The following DDR2 variants were observed in gnomAD, a reference collection of about 807,000 sequenced individuals.
The protein encoded by DDR2 is discoidin domain-containing receptor 2.
DDR2 carries 27 observed loss-of-function variants against 94.9 expected under a neutral mutation model. The ratio of observed to expected loss-of-function variants is 0.28; its 90% CI spans 0.21 to 0.39. The LOEUF (loss-of-function observed/expected upper bound fraction) is 0.39, where lower values mean the gene tolerates loss of function less well. Ranked by LOEUF, DDR2 falls within the 10% of genes least tolerant of loss-of-function variation. The pLI is 1.00. For synonymous variants in DDR2, 382 were observed against 377.2 expected (o/e 1.01, Z -0.15); for missense variants, 783 against 1,076.0 (o/e 0.73, Z 3.81).
At chr1:162,702,580 A>G (rs891196487) in intron 2 of DDR2, among the ~76,000 whole-genome samples, 2 of 152,218 alleles carry the variant, frequency 1.3e-5, no homozygotes, top group Non-Finnish European at 2.9e-5. Flanking sequence ...TTGGTGTTAC[A>G]TGCAGTTTAA....
In DDR2 at chr1:162,776,262, G is replaced by T. The variant is rs2102199226; in HGVS notation, c.2175G>T (p.Lys725Asn). ...NCLVGKNYTI[K>N]IADFGMSRNL... Reference sequence around the variant, plus strand: ...TAGTGGGTAAGAACTACACAATCAAGATAGCTGACTTTGGAATGAGCAGGA... The same window carrying T: ...TAGTGGGTAAGAACTACACAATCAATATAGCTGACTTTGGAATGAGCAGGA... Residue 725 changes from lysine (K) to asparagine (N), a missense_variant, in exon 16 of 18, where the codon AAG (lysine) becomes AAT (asparagine). Around this residue, in one of 2 missense-constraint regions of DDR2, gnomAD observed 264 missense variants for 428.2 expected, o/e 0.62. Transcript: ENST00000367921. 6.2e-7 allele frequency: 1 copy of T among 1,613,966 alleles called. No individual in the cohort carries two copies. Among genetic ancestry groups the T allele is most frequent in the Non-Finnish European group, 8.5e-7 (1 of 1,179,940 alleles).
intron 2 of DDR2, among the ~76,000 whole-genome samples, chr1:162,671,846 C>T (rs1393141534): frequency 1.3e-5 from 2 of 152,150 alleles, no homozygotes; most frequent in Non-Finnish European, 1.5e-5. Context: ...TCATTTAGGT[C>T]AAAAACATAG....
rs766617791 is a variant in DDR2, at chr1:162,775,849, C to T, written c.2048+6C>T. 1 of 1,613,910 alleles carries T rather than the reference C, an allele frequency of 6.2e-7. No homozygotes were observed. Among genetic ancestry groups the T allele is most frequent in the African/African-American group, 1.3e-5 (1 of 75,048 alleles). ...AGCGATGTACGCACTGTCAGGTAAA[C>T]AAGCCAGGTCTTCCTTCTCCTCCCT... On this transcript the variant is annotated splice_donor_region_variant and intron_variant, in intron 15 of 17. Coordinates refer to ENST00000367921, the MANE Select transcript of DDR2 (RefSeq NM_006182.4).
intron 2 of DDR2, among the ~76,000 whole-genome samples, chr1:162,668,506 A>G (rs1247300624): frequency 4.6e-5 from 7 of 152,196 alleles, no homozygotes. Flanking sequence ...GCAGGGCCAT[A>G]TTCCCTCTGA....
At chr1:162,683,735 CAG>C (rs759945789) in intron 2 of DDR2, among the ~76,000 whole-genome samples, 1 of 151,596 alleles carries the variant, frequency 6.6e-6, no homozygotes, top group Non-Finnish European at 1.5e-5. Flanking sequence ...TCTAAATAAA[CAG>C]AGAGACATAC....
intron 3 of DDR2, among the ~76,000 whole-genome samples, chr1:162,727,194 T>C (rs1458164789): frequency 1.4e-5 from 2 of 143,848 alleles, no homozygotes; most frequent in African/African-American, 5.0e-5. Context: ...TATAAACATA[T>C]ATTTATATTT....
intron 17 of DDR2, among the ~76,000 whole-genome samples, chr1:162,779,303 T>C (rs779748602): frequency 1.4e-4 from 21 of 151,838 alleles, no homozygotes; most frequent in Non-Finnish European, 1.5e-4. Flanking sequence ...GCCAAGATAC[T>C]CCAAGCTTTT....
intron 2 of DDR2, among the ~76,000 whole-genome samples, chr1:162,718,573 T>A (rs1661274463): frequency 6.6e-6 from 1 of 152,114 alleles, no homozygotes; most frequent in South Asian, 2.1e-4. Flanking sequence ...AAATACAGAA[T>A]CCCAGGTATC....
chr1:162,727,894 C>T (rs1049574554), intron 3 of DDR2, among the ~76,000 whole-genome samples: 1 of 148,754 alleles, frequency 6.7e-6, no homozygotes, highest in African/African-American at 2.5e-5. Flanking sequence ...TATCTTGCCA[C>T]ATCCATACTC....
At chr1:162,642,387 C>A (rs1452445212) in intron 1 of DDR2, among the ~76,000 whole-genome samples, 1 of 152,102 alleles carries the variant, frequency 6.6e-6, no homozygotes, top group Non-Finnish European at 1.5e-5. Context: ...ATTGTCCTGC[C>A]TCAGCCTCCC....
chr1:162,698,985 T>C (rs16843605), intron 2 of DDR2, among the ~76,000 whole-genome samples: 8,147 of 152,270 alleles, frequency 0.054, 363 homozygotes, highest in East Asian at 0.19. Context: ...CTTTATAATC[T>C]GTAATCCAAA....
chr1:162,680,978 G>A (rs548464992), intron 2 of DDR2, among the ~76,000 whole-genome samples: 2 of 152,244 alleles, frequency 1.3e-5, no homozygotes, highest in East Asian at 1.9e-4. Context: ...CCATAGAGAC[G>A]TGAACATCGA....
chr1:162,722,741 G>A (rs754760791), intron 3 of DDR2, among the ~76,000 whole-genome samples: 9 of 152,136 alleles, frequency 5.9e-5, no homozygotes, highest in African/African-American at 1.4e-4. Context: ...GAGTTGTTAC[G>A]TGTCTCTTTA....
chr1:162,692,515 C>A (rs1660003656), intron 2 of DDR2, among the ~76,000 whole-genome samples: 1 of 152,144 alleles, frequency 6.6e-6, no homozygotes, highest in South Asian at 2.1e-4. Flanking sequence ...AGGAACTTCA[C>A]AAGAATGGAT....
At chr1:162,715,087 C>G (rs906633002) in intron 2 of DDR2, among the ~76,000 whole-genome samples, 1 of 152,124 alleles carries the variant, frequency 6.6e-6, no homozygotes, top group Admixed American at 6.6e-5. Flanking sequence ...TGATTCTGCT[C>G]ACAATAAGCT....
intron 2 of DDR2, among the ~76,000 whole-genome samples, chr1:162,708,975 A>G (rs1660775458): frequency 6.6e-6 from 1 of 152,212 alleles, no homozygotes. Context: ...ATAAATGGTA[A>G]CATTTATGAG....
At chr1:162,778,047 C>T (rs1647682294) in intron 16 of DDR2, 1 of 161,586 alleles carries the variant, frequency 6.2e-6, no homozygotes. Flanking sequence ...TAAATAATAT[C>T]ATCCACTTCA....
At chr1:162,685,929 G>A (rs970611883) in intron 2 of DDR2, among the ~76,000 whole-genome samples, 4 of 152,140 alleles carry the variant, frequency 2.6e-5, no homozygotes, top group Non-Finnish European at 5.9e-5. Flanking sequence ...GTTGAGGTAC[G>A]CACACCAGGC....
In DDR2 at chr1:162,755,169, A is replaced by G. The variant is rs1411758408; in HGVS notation, c.431A>G (p.Asn144Ser). Residue 144 changes from asparagine (N) to serine (S), a missense_variant, in exon 6 of 18, where the codon AAT becomes AGT. Around this residue, in one of 2 missense-constraint regions of DDR2, gnomAD observed 519 missense variants for 647.9 expected, o/e 0.80. Coordinates refer to ENST00000367921, the MANE Select transcript of DDR2 (RefSeq NM_006182.4). ...NRHGKQVLDG[N>S]SNPYDIFLKD... ...CTCTCTCCTCAGGTGCTGGATGGAA[A>G]TAGTAACCCCTATGACATTTTCCTA... is the stretch of plus-strand genomic sequence containing the variant. 1 of 1,614,074 alleles carries G rather than the reference A, an allele frequency of 6.2e-7. No individual in the cohort carries two copies. The highest frequency in any genetic ancestry group is 2.2e-5 in the East Asian group (1 of 44,864).
Sources: gnomAD v4.1 joint callset for allele counts (sites outside exome capture counted in the v4.1 genomes callset) on GRCh38, gnomAD v4.1.1 for gene constraint, gnomAD v4.1.1 regional missense constraint, MANE v1.5 for transcripts, NCBI Gene and HGNC (gene_info 2026-07-23, HGNC 2026-07-21) for gene names.